The following POLR3A variants were observed in gnomAD, a reference collection of about 807,000 sequenced individuals.
POLR3A encodes the protein RNA polymerase III subunit A.
In POLR3A, 112 loss-of-function variants were observed where a neutral mutation model predicts 152.8. That is an observed-to-expected ratio of 0.73 (90% confidence interval 0.63 to 0.86). The LOEUF is 0.86. Among genes scored for constraint, POLR3A ranks in the 40% least tolerant of loss-of-function variants. POLR3A has a pLI of 0.00. For synonymous variants in POLR3A, 615 were observed against 652.1 expected, an observed-to-expected ratio of 0.94 and a Z score of 0.87; for missense variants, 1,385 against 1,743.1, an observed-to-expected ratio of 0.79 and a Z score of 3.66.
intron 1 of POLR3A, among the ~76,000 whole-genome samples, chr10:78,027,165 A>G (rs1847643065): frequency 1.3e-5 from 2 of 152,224 alleles, no homozygotes; most frequent in African/African-American, 4.8e-5. Context: ...AAAACTGACA[A>G]TCAGAAGGAA....
intron 18 of POLR3A, 128 bp downstream of exon 18, chr10:78,000,848 A>T: frequency 1.5e-6 from 1 of 673,920 alleles, no homozygotes; most frequent in Admixed American, 1.9e-5. Context: ...ATAAAATGGC[A>T]AAAAATACAT....
chr10:78,006,005 T>C (rs1274421721), intron 15 of POLR3A, among the ~76,000 whole-genome samples: 1 of 152,066 alleles, frequency 6.6e-6, no homozygotes, highest in Non-Finnish European at 1.5e-5. Context: ...AGTAAAAGGA[T>C]ACAGAAAATT....
rs768104846 is a variant in POLR3A, at chr10:78,017,686, C to T, written c.1320G>A (p.Met440Ile). 1 of 1,614,108 alleles carries T rather than the reference C, an allele frequency of 6.2e-7. No homozygotes were observed. The highest frequency in any genetic ancestry group is 1.1e-5 in the South Asian group (1 of 91,074). ...TGTCACCATACTTGAGCTCTTGAGC[C>T]ATCTTTTCTCGATTTCCGTATTTCA... ...RFLKYGNREK[M>I]AQELKYGDIV... is the part of the protein sequence containing the mutation. Residue 440 changes from methionine (M) to isoleucine (I), a missense_variant, in exon 10 of 31, where the codon ATG (methionine) becomes ATA (isoleucine). By Grantham distance (10) the Met-to-Ile change is conservative. Transcript: ENST00000372371.
intron 21 of POLR3A, among the ~76,000 whole-genome samples, chr10:77,988,638 C>T (rs1847219856): frequency 6.6e-6 from 1 of 152,164 alleles, no homozygotes; most frequent in African/African-American, 2.4e-5. Context: ...CTTTTGCAAA[C>T]CAGAGATGAA....
chr10:78,012,778 G>C (rs1342526407), intron 11 of POLR3A, among the ~76,000 whole-genome samples: 1 of 151,978 alleles, frequency 6.6e-6, no homozygotes, highest in African/African-American at 2.4e-5. Context: ...CTGAACTGCA[G>C]TGGTGCAATC....
intron 29 of POLR3A, among the ~76,000 whole-genome samples, chr10:77,981,155 T>C (rs1011745410): frequency 4.6e-5 from 7 of 152,080 alleles, no homozygotes; most frequent in African/African-American, 1.7e-4. Flanking sequence ...AGGATGACAT[T>C]CAGGATGAGG....
intron 13 of POLR3A, 60 bp from the exon 14 acceptor site, chr10:78,009,735 G>A (rs543802339): frequency 6.2e-7 from 1 of 1,613,746 alleles, no homozygotes; most frequent in African/African-American, 1.3e-5. Flanking sequence ...TCCCCCTTCA[G>A]TAGACGAAGC....
intron 10 of POLR3A, among the ~76,000 whole-genome samples, chr10:78,014,415 C>A (rs1183114339): frequency 6.6e-6 from 1 of 152,036 alleles, no homozygotes; most frequent in African/African-American, 2.4e-5. Context: ...AGTTACTGAG[C>A]ACTAACCCCC....
At position 77,977,184 on chromosome 10, in the gene POLR3A, G is replaced by A; in HGVS notation, c.*294C>T. On this transcript the variant is annotated 3_prime_UTR_variant, in exon 31 of 31. Transcript: ENST00000372371. ...ACCATGACACCTGGCTGGGCTTTAA[G>A]TCCAGGGAAGCAGTGTGTGCACGAG... The A allele has an allele frequency of 4.9e-6, 2 of 404,568 alleles. No individual in the cohort carries two copies. Among genetic ancestry groups the A allele is most frequent in the South Asian group, 4.3e-5 (2 of 46,246 alleles). 25.1% of individuals were successfully genotyped at this position (404,568 alleles called of 1,614,324 possible).
rs757027564 is a variant in POLR3A at position 78,025,609 on chromosome 10, C to A, written c.318+13G>T. ...AGAATTTATGTCTTGGAAATCAGCA[C>A]CTGTGTGCTTACCTGTAAGATGCCT... On this transcript the variant is annotated intron_variant, in intron 3 of 30. Transcript: ENST00000372371. 12 of 1,613,884 alleles carry A rather than the reference C, an allele frequency of 7.4e-6. No homozygotes were observed. Among genetic ancestry groups the A allele is most frequent in the Non-Finnish European group, 3.4e-6 (4 of 1,179,878 alleles).
At chr10:77,997,415 G>A (rs922620986) in intron 19 of POLR3A, among the ~76,000 whole-genome samples, 5 of 152,112 alleles carry the variant, frequency 3.3e-5, no homozygotes, top group South Asian at 2.1e-4. Context: ...AAACCCAATC[G>A]TTTCAGCCCA....
chr10:78,028,150 A>T (rs1847655389), intron 1 of POLR3A, among the ~76,000 whole-genome samples: 1 of 152,182 alleles, frequency 6.6e-6, no homozygotes, highest in African/African-American at 2.4e-5. Flanking sequence ...GATTTTCCAG[A>T]AGGAGAACTC....
chr10:77,980,127 A>C lies in POLR3A; in HGVS notation c.4024+14T>G. On this transcript the variant is annotated intron_variant, in intron 30 of 30. Coordinates refer to ENST00000372371, the MANE Select transcript of POLR3A (RefSeq NM_007055.4). ...AAAGGCCTTTGATGCTGTTCATAGA[A>C]ACATCAAACCTACCACACACAGAGT... The C allele has an allele frequency of 6.2e-7, 1 of 1,613,184 alleles. No homozygotes were observed. Among genetic ancestry groups the C allele is most frequent in the Non-Finnish European group, 8.5e-7 (1 of 1,179,156 alleles).
intron 5 of POLR3A, among the ~76,000 whole-genome samples, chr10:78,023,082 T>C (rs1847595618): frequency 6.6e-6 from 1 of 151,368 alleles, no homozygotes; most frequent in Non-Finnish European, 1.5e-5. Context: ...CACTTGAACC[T>C]GGGAGGCAGA....
chr10:78,022,602 A>G (rs986756725), intron 5 of POLR3A, among the ~76,000 whole-genome samples: 1 of 152,192 alleles, frequency 6.6e-6, no homozygotes, highest in African/African-American at 2.4e-5. Context: ...CATTATTCCA[A>G]GGGGTGTAAC....
intron 15 of POLR3A, among the ~76,000 whole-genome samples, chr10:78,006,195 G>A (rs950766884): frequency 6.6e-6 from 1 of 151,694 alleles, no homozygotes; most frequent in Admixed American, 6.6e-5. Flanking sequence ...TCAGGAGTTC[G>A]AGACCACCCT....
Position 77,977,299 on chromosome 10 carries a change from G to A in POLR3A, c.*179C>T. The A allele has an allele frequency of 1.4e-6, 1 of 694,232 alleles. No individual in the cohort carries two copies. Among genetic ancestry groups the A allele is most frequent in the Non-Finnish European group, 2.6e-6 (1 of 385,652 alleles). The allele number at this position is 694,232 out of a possible 1,614,324, so 43.0% of individuals were successfully genotyped here. ...CAGCGTGGCACAGTCAGGGTCACTG[G>A]TGTGAGCTGCACCCTATCAGAGGAG... On this transcript the variant is annotated 3_prime_UTR_variant, in exon 31 of 31. Coordinates refer to ENST00000372371, the MANE Select transcript of POLR3A (RefSeq NM_007055.4).
Position 78,025,625 on chromosome 10 carries a change from T to G in POLR3A, c.315A>C (p.Leu105Phe). The part of the protein sequence containing the change: ...VGYFRAVIGI[L>F]QMICKTCCHI... ...AAATCAGCACCTGTGTGCTTACCTG[T>G]AAGATGCCTATGACTGCTCTGAAGT... Residue 105 changes from leucine (L) to phenylalanine (F), a missense_variant, in exon 3 of 31, where the codon TTA (leucine) becomes TTC (phenylalanine). Around this residue, in one of 7 missense-constraint regions of POLR3A, gnomAD observed 493 missense variants for 647.5 expected, o/e 0.76. Coordinates refer to ENST00000372371, the MANE Select transcript of POLR3A (RefSeq NM_007055.4). 1 of 1,614,154 alleles carries G rather than the reference T, an allele frequency of 6.2e-7. No homozygotes were observed.
intron 19 of POLR3A, among the ~76,000 whole-genome samples, chr10:77,999,234 C>T (rs1448253312): frequency 6.6e-6 from 1 of 152,062 alleles, no homozygotes; most frequent in African/African-American, 2.4e-5. Flanking sequence ...ACCAACATGG[C>T]ACATGTATAC....
Sources: allele counts gnomAD v4.1 joint callset (sites outside exome capture counted in the v4.1 genomes callset), GRCh38; gene constraint gnomAD v4.1.1; regional missense constraint gnomAD v4.1.1; transcripts MANE v1.5; gene names NCBI Gene and HGNC (gene_info 2026-07-23, HGNC 2026-07-21).